RCOR1: variants seen among roughly 807,000 people sequenced by gnomAD.
RCOR1 encodes REST corepressor.
RCOR1 carries 12 observed loss-of-function variants against 64.0 expected under a neutral mutation model. The observed-to-expected ratio is 0.19, with a 90% CI of 0.12 to 0.30. RCOR1 has a LOEUF of 0.30. RCOR1 is among the 10% of genes least tolerant of loss of function. The probability of loss-of-function intolerance (pLI) is 1.00; values close to 1 mark genes in which losing one functional copy is unlikely to be tolerated. For missense variants in RCOR1, 502 were observed against 621.2 expected, an observed-to-expected ratio of 0.81 and a Z score of 2.04; for synonymous variants, 279 against 227.2, an observed-to-expected ratio of 1.23 and a Z score of -2.05.
intron 2 of RCOR1, chr14:102,662,355 T>C: frequency 1.8e-6 from 1 of 566,896 alleles, no homozygotes; most frequent in Non-Finnish European, 3.4e-6. Context: ...GCCACATCAA[T>C]GTCATAGAGC....
chr14:102,685,669 A>G lies in RCOR1; in HGVS notation c.445+3691A>G, dbSNP rs538154002. The stretch of plus-strand genomic sequence containing the variant: ...GGCCTTGAATTGTACATTTCAGAAT[A>G]GCTAGAAGAGGGCTGAGTGCGGTGT... On this transcript the variant is annotated intron_variant, in intron 3 of 11. Coordinates refer to ENST00000262241, the MANE Select transcript of RCOR1 (RefSeq NM_015156.4). 6.6e-5 allele frequency among the ~76,000 whole-genome samples: 10 copies of G among 152,258 alleles called. No homozygotes were observed. In the East Asian group the frequency reaches 1.9e-3, roughly 29 times the overall value.
At chr14:102,614,984 A>G (rs1893724301) in intron 2 of RCOR1, among the ~76,000 whole-genome samples, 1 of 151,722 alleles carries the variant, frequency 6.6e-6, no homozygotes, top group Non-Finnish European at 1.5e-5. Context: ...GGCACGTGCC[A>G]CCATGCCCAG....
intron 8 of RCOR1, among the ~76,000 whole-genome samples, chr14:102,717,588 G>T (rs1896091210): frequency 6.6e-6 from 1 of 152,148 alleles, no homozygotes; most frequent in Non-Finnish European, 1.5e-5. Flanking sequence ...AGTTCTGTTT[G>T]CACTGGAAGA....
intron 11 of RCOR1, among the ~76,000 whole-genome samples, chr14:102,722,874 CA>C (rs1896191654): frequency 1.3e-5 from 2 of 152,200 alleles, no homozygotes; most frequent in African/African-American, 4.8e-5. Flanking sequence ...CCCTGCTGTC[CA>C]GATCTTTCAG....
intron 3 of RCOR1, among the ~76,000 whole-genome samples, chr14:102,687,520 C>CT (rs1567436051): frequency 6.6e-6 from 1 of 152,094 alleles, no homozygotes; most frequent in South Asian, 2.1e-4. Flanking sequence ...AAAATGTGGC[C>CT]TGTAGAGAGA....
At position 102,692,440 on chromosome 14, in the gene RCOR1, AACACACACACAC is replaced by A. The variant is rs10622844; in HGVS notation, c.446-8817_446-8806del. Among the ~76,000 whole-genome samples the A allele has an allele frequency of 3.3e-4, 48 of 146,346 alleles. No individual in the cohort carries two copies. In the East Asian group the frequency reaches 6.9e-3, roughly 21 times the overall value. On this transcript the variant is annotated intron_variant, in intron 3 of 11. Transcript: ENST00000262241. ...CTCTCAAGTAGTTCAGGAAAAAGTTAACACACACACACACACACACACACACACACACGCTTA... is the reference window on the plus strand; with the variant it reads ...CTCTCAAGTAGTTCAGGAAAAAGTTAACACACACACACACACACACGCTTA...
intron 8 of RCOR1, among the ~76,000 whole-genome samples, chr14:102,719,104 G>C (rs1896125366): frequency 6.6e-6 from 1 of 151,590 alleles, no homozygotes; most frequent in South Asian, 2.1e-4. Flanking sequence ...TTTTTTTTTG[G>C]CAGGGTCTGG....
intron 2 of RCOR1, among the ~76,000 whole-genome samples, chr14:102,632,715 T>TC (rs1894148005): frequency 9.0e-6 from 1 of 111,412 alleles, no homozygotes; most frequent in African/African-American, 3.8e-5. Flanking sequence ...TCCTTTTCCT[T>TC]TCCTTTCCTT....
chr14:102,673,519 T>C (rs1286630495), intron 2 of RCOR1, among the ~76,000 whole-genome samples: 1 of 151,820 alleles, frequency 6.6e-6, no homozygotes, highest in African/African-American at 2.4e-5. Flanking sequence ...GTATTTTTAG[T>C]AGAGACGGGG....
At chr14:102,688,392 C>T (rs1294802629) in intron 3 of RCOR1, among the ~76,000 whole-genome samples, 1 of 152,186 alleles carries the variant, frequency 6.6e-6, no homozygotes, top group African/African-American at 2.4e-5. Context: ...GGCAGGCCAG[C>T]TTCTTAAAGG....
chr14:102,707,868 A>G (rs1488881377), intron 5 of RCOR1, among the ~76,000 whole-genome samples: 2 of 151,828 alleles, frequency 1.3e-5, no homozygotes, highest in Non-Finnish European at 2.9e-5. Context: ...GGCTCACTGC[A>G]ACCTCCGCCT....
chr14:102,641,509 C>T (rs750151465), intron 2 of RCOR1, among the ~76,000 whole-genome samples: 19 of 151,012 alleles, frequency 1.3e-4, no homozygotes, highest in Non-Finnish European at 7.4e-5. Flanking sequence ...CTGAGGTGGG[C>T]GGATCACTTG....
intron 2 of RCOR1, chr14:102,657,309 C>T: frequency 1.0e-6 from 1 of 985,290 alleles, no homozygotes; most frequent in Non-Finnish European, 1.2e-6. Context: ...GATATGTCCT[C>T]ATGTTCAAGG....
chr14:102,593,212 C>T (rs1202928899), intron 1 of RCOR1, 25 bp downstream of exon 1: 1 of 1,477,342 alleles, frequency 6.8e-7, no homozygotes, highest in Non-Finnish European at 8.9e-7. Flanking sequence ...CCCCCGCGGC[C>T]CCGGGCCCCG....
intron 2 of RCOR1, among the ~76,000 whole-genome samples, chr14:102,617,254 A>G (rs1471349886): frequency 6.6e-6 from 1 of 152,194 alleles, no homozygotes; most frequent in African/African-American, 2.4e-5. Flanking sequence ...TCAATTTAAG[A>G]ACATGTATGA....
At chr14:102,648,969 C>G (rs940404001) in intron 2 of RCOR1, among the ~76,000 whole-genome samples, 14 of 151,534 alleles carry the variant, frequency 9.2e-5, no homozygotes, top group African/African-American at 3.4e-4. Flanking sequence ...AAATAAACAA[C>G]CAATAGATAG....
intron 2 of RCOR1, among the ~76,000 whole-genome samples, chr14:102,658,887 A>C (rs1318193123): frequency 6.6e-6 from 1 of 152,150 alleles, no homozygotes; most frequent in African/African-American, 2.4e-5. Flanking sequence ...GGTGTAGTGC[A>C]TGCTACTCCA....
chr14:102,629,020 A>C (rs987790530), intron 2 of RCOR1, among the ~76,000 whole-genome samples: 4 of 151,964 alleles, frequency 2.6e-5, no homozygotes, highest in Non-Finnish European at 4.4e-5. Context: ...CCCCTCCCCA[A>C]GTAGCTGGGA....
At chr14:102,661,061 T>C (rs1894815566) in intron 2 of RCOR1, among the ~76,000 whole-genome samples, 1 of 152,112 alleles carries the variant, frequency 6.6e-6, no homozygotes, top group African/African-American at 2.4e-5. Flanking sequence ...AAAAGTCAGT[T>C]ATAGGCCAGG....
Sources: gnomAD v4.1 joint callset for allele counts (sites outside exome capture counted in the v4.1 genomes callset) on GRCh38, gnomAD v4.1.1 for gene constraint, MANE v1.5 for transcripts, NCBI Gene and HGNC (gene_info 2026-07-23, HGNC 2026-07-21) for gene names.